UBQLN1: variants seen among roughly 807,000 people sequenced by gnomAD.
The protein encoded by UBQLN1 is ubiquilin 1.
Under a neutral mutation model 65.4 loss-of-function variants are expected in UBQLN1, and 13 were observed. The ratio of observed to expected loss-of-function variants is 0.20; its 90% confidence interval spans 0.13 to 0.32. The LOEUF (loss-of-function observed/expected upper bound fraction) is 0.32. Ranked by LOEUF, UBQLN1 falls within the 10% of genes least tolerant of loss-of-function variation. The pLI is 1.00. For synonymous variants in UBQLN1, 267 were observed against 247.8 expected (o/e 1.08, Z -0.73); for missense variants, 561 against 724.0 (o/e 0.77, Z 2.58).
intron 4 of UBQLN1, among the ~76,000 whole-genome samples, chr9:83,679,559 C>G (rs1831905259): frequency 6.6e-6 from 1 of 152,218 alleles, no homozygotes; most frequent in East Asian, 1.9e-4. Flanking sequence ...GATTCTTAAG[C>G]CTTCAAAATA....
At chr9:83,697,813 G>A (rs1832245272) in intron 1 of UBQLN1, among the ~76,000 whole-genome samples, 1 of 137,102 alleles carries the variant, frequency 7.3e-6, no homozygotes, top group African/African-American at 2.8e-5. Context: ...TCAGCTCACT[G>A]CAACCTCCAC....
At position 83,666,559 on chromosome 9, in the gene UBQLN1, T is replaced by TA. The variant is rs1831647048; in HGVS notation, c.1249-127dup. 1.2e-5 allele frequency: 10 copies of TA among 829,878 alleles called. No individual in the cohort carries two copies. In the South Asian group the frequency reaches 1.5e-4, roughly 13 times the overall value. 51.4% of individuals were successfully genotyped at this position (829,878 alleles called of 1,614,324 possible). A position where few individuals can be genotyped will look rare whatever the true frequency, so the allele number is the denominator to read the frequency against. ...AAAAGGGAGGAAGGTAGAACATAAA[T>TA]AAAAAAAGGAAAAGGGAAGATACTG... On this transcript the variant is annotated intron_variant, in intron 7 of 10. Transcript: ENST00000376395.
chr9:83,676,508 T>C (rs1831834738), intron 6 of UBQLN1, among the ~76,000 whole-genome samples: 1 of 152,218 alleles, frequency 6.6e-6, no homozygotes, highest in African/African-American at 2.4e-5. Flanking sequence ...AGTATCAAAG[T>C]AAGGATTAAG....
intron 1 of UBQLN1, among the ~76,000 whole-genome samples, chr9:83,700,665 G>A (rs1462220247): frequency 4.6e-5 from 7 of 152,202 alleles, no homozygotes. Flanking sequence ...GAAAAGGAAT[G>A]GGCAAAGAGT....
At chr9:83,678,187 A>G (rs1393741371) in intron 5 of UBQLN1, among the ~76,000 whole-genome samples, 2 of 151,708 alleles carry the variant, frequency 1.3e-5, no homozygotes, top group Admixed American at 6.6e-5. Context: ...ACGCCCAGCT[A>G]ATTTTTTGTA....
intron 1 of UBQLN1, among the ~76,000 whole-genome samples, chr9:83,692,613 GA>G (rs1200906402): frequency 6.6e-6 from 1 of 152,184 alleles, no homozygotes; most frequent in Non-Finnish European, 1.5e-5. Flanking sequence ...AGCACTTTGG[GA>G]GGCCGAGGCA....
intron 7 of UBQLN1, 177 bp from the exon 8 acceptor site, chr9:83,666,610 C>A (rs1164508976): frequency 4.1e-5 from 21 of 506,692 alleles, no homozygotes; most frequent in Middle Eastern, 8.0e-4. Context: ...TCCAGAAGAA[C>A]AAAAACAAAA....
chr9:83,689,142 G>A (rs769349912), intron 1 of UBQLN1, among the ~76,000 whole-genome samples: 26 of 152,090 alleles, frequency 1.7e-4, no homozygotes, highest in Non-Finnish European at 3.4e-4. Flanking sequence ...GTTTCCATAC[G>A]AGTATTTCAT....
chr9:83,707,837 G>T lies in UBQLN1; in HGVS notation c.-158C>A. Reference sequence around the variant, plus strand: ...GGCGCAGGGCCACCGTAGCGGGTGTGGGGCCCCGGAGCTCGGTGCAGGCTC... The same window carrying T: ...GGCGCAGGGCCACCGTAGCGGGTGTTGGGCCCCGGAGCTCGGTGCAGGCTC... On this transcript the variant is annotated 5_prime_UTR_variant, in exon 1 of 11. Transcript: ENST00000376395. The T allele has an allele frequency of 8.6e-7, 1 of 1,166,524 alleles. No individual in the cohort carries two copies. Among genetic ancestry groups the T allele is most frequent in the Non-Finnish European group, 1.1e-6 (1 of 875,884 alleles). 72.3% of individuals were successfully genotyped at this position (1,166,524 alleles called of 1,614,324 possible). A position where few individuals can be genotyped will look rare whatever the true frequency, so the allele number is the denominator to read the frequency against.
At chr9:83,691,233 A>G (rs1241380846) in intron 1 of UBQLN1, among the ~76,000 whole-genome samples, 1 of 152,076 alleles carries the variant, frequency 6.6e-6, no homozygotes, top group African/African-American at 2.4e-5. Context: ...GGGCAGGTCA[A>G]CTGAAAGGAA....
Position 83,661,699 on chromosome 9 carries a change from A to G in UBQLN1, c.*88T>C, listed in dbSNP as rs1831563402. On this transcript the variant is annotated 3_prime_UTR_variant, in exon 11 of 11. Transcript: ENST00000376395. Reference sequence around the variant, plus strand: ...TTGTTTATAACAGCACAGAATTCCAAGAGTCAAAATGAAATAAAGCAGGTA... The same window carrying G: ...TTGTTTATAACAGCACAGAATTCCAGGAGTCAAAATGAAATAAAGCAGGTA... 2 of 1,411,856 alleles carry G rather than the reference A, an allele frequency of 1.4e-6. No individual in the cohort carries two copies. Among genetic ancestry groups the G allele is most frequent in the Non-Finnish European group, 1.9e-6 (2 of 1,042,076 alleles). 87.5% of individuals were successfully genotyped at this position (1,411,856 alleles called of 1,614,324 possible).
In UBQLN1 at chr9:83,678,701, G is replaced by T. The variant is rs1013735669; in HGVS notation, c.712-102C>A. On this transcript the variant is annotated intron_variant, in intron 4 of 10. Coordinates refer to ENST00000376395, the MANE Select transcript of UBQLN1 (RefSeq NM_013438.5). Reference sequence around the variant, plus strand: ...CTGCCATTAAACAAAGTTTATGGGAGGCCACTGTTTTGTTTTGTTTTTTTA... The same window carrying T: ...CTGCCATTAAACAAAGTTTATGGGATGCCACTGTTTTGTTTTGTTTTTTTA... The T allele has an allele frequency of 2.4e-6, 3 of 1,236,410 alleles. No individual in the cohort carries two copies. The African/African-American group carries it at 4.6e-5, about 19-fold the overall frequency. 76.6% of individuals were successfully genotyped at this position (1,236,410 alleles called of 1,614,324 possible).
At chr9:83,687,119 C>T (rs993130323) in intron 1 of UBQLN1, among the ~76,000 whole-genome samples, 2 of 152,090 alleles carry the variant, frequency 1.3e-5, no homozygotes, top group African/African-American at 4.8e-5. Context: ...TGAAGGTGAG[C>T]AGTCCAATGA....
intron 1 of UBQLN1, among the ~76,000 whole-genome samples, chr9:83,694,726 G>A (rs10868043): frequency 0.27 from 40,568 of 151,990 alleles, 6,635 homozygotes; most frequent in East Asian, 0.81. Flanking sequence ...TCAATTCACC[G>A]GTGAACAAAA....
chr9:83,669,109 G>A, intron 7 of UBQLN1, 76 bp downstream of exon 7: 3 of 1,518,428 alleles, frequency 2.0e-6, no homozygotes, highest in Non-Finnish European at 1.8e-6. Flanking sequence ...ACACAAATGT[G>A]CCAAAATCAC....
At chr9:83,680,802 C>G (rs1261294016) in intron 3 of UBQLN1, among the ~76,000 whole-genome samples, 1 of 152,132 alleles carries the variant, frequency 6.6e-6, no homozygotes, top group Non-Finnish European at 1.5e-5. Context: ...CAGGGGAACC[C>G]CCAACTTAGA....
In UBQLN1 at chr9:83,707,772, G is replaced by A; in HGVS notation, c.-93C>T. The A allele has an allele frequency of 6.9e-7, 1 of 1,446,670 alleles. No homozygotes were observed. Among genetic ancestry groups the A allele is most frequent in the Non-Finnish European group, 9.0e-7 (1 of 1,107,926 alleles). The allele number at this position is 1,446,670 out of a possible 1,614,324, so 89.6% of individuals were successfully genotyped here. The stretch of plus-strand genomic sequence containing the variant: ...GCAGACACCAGAGCCGGCAGGCCTG[G>A]ACAGCGAAGAATGCAGAGCACGCCG... On this transcript the variant is annotated 5_prime_UTR_variant, in exon 1 of 11. Transcript: ENST00000376395.
chr9:83,697,413 G>A (rs1215648591), intron 1 of UBQLN1, among the ~76,000 whole-genome samples: 2 of 151,168 alleles, frequency 1.3e-5, no homozygotes, highest in African/African-American at 4.9e-5. Flanking sequence ...TTAGCTGGGT[G>A]TGGTGGTGTG....
intron 6 of UBQLN1, among the ~76,000 whole-genome samples, chr9:83,674,549 G>C (rs183699654): frequency 6.6e-6 from 1 of 152,300 alleles, no homozygotes; most frequent in Non-Finnish European, 1.5e-5. Context: ...TACTAGTGAT[G>C]ACTAATTTAA....
Sources: gnomAD v4.1 joint callset for allele counts (sites outside exome capture counted in the v4.1 genomes callset) on GRCh38, gnomAD v4.1.1 for gene constraint, MANE v1.5 for transcripts, NCBI Gene and HGNC (gene_info 2026-07-23, HGNC 2026-07-21) for gene names.